XRCC1: variants seen among roughly 807,000 people sequenced by gnomAD.
XRCC1 encodes the protein DNA repair protein XRCC1.
Under a neutral mutation model 83.3 loss-of-function variants are expected in XRCC1, and 52 were observed. The ratio of observed to expected loss-of-function variants is 0.62; its 90% CI spans 0.50 to 0.79. The LOEUF (loss-of-function observed/expected upper bound fraction) is 0.79, where lower values mean the gene tolerates loss of function less well. Ranked by LOEUF, XRCC1 falls within the 30% of genes least tolerant of loss-of-function variation. The probability of loss-of-function intolerance (pLI) is 0.00; values close to 1 mark genes in which losing one functional copy is unlikely to be tolerated. For synonymous variants in XRCC1, 281 were observed against 312.6 expected (o/e 0.90, Z 1.07); for missense variants, 793 against 823.5 (o/e 0.96, Z 0.45).
intron 3 of XRCC1, among the ~76,000 whole-genome samples, chr19:43,558,746 A>G (rs1232616349): frequency 6.6e-6 from 1 of 152,136 alleles, no homozygotes; most frequent in Non-Finnish European, 1.5e-5. Flanking sequence ...TGGAACAGAG[A>G]AGAGAGTACA....
At chr19:43,547,202 T>C (rs1268389367) in intron 10 of XRCC1, among the ~76,000 whole-genome samples, 1 of 151,888 alleles carries the variant, frequency 6.6e-6, no homozygotes, top group Non-Finnish European at 1.5e-5. Context: ...CCTCTTTTTT[T>C]TTTTGAGACA....
chr19:43,556,325 C>A (rs1324483423), intron 3 of XRCC1, among the ~76,000 whole-genome samples: 1 of 152,160 alleles, frequency 6.6e-6, no homozygotes, highest in East Asian at 1.9e-4. Flanking sequence ...AAAGGCAACG[C>A]CCACACTAGT....
intron 1 of XRCC1, 109 bp downstream of exon 1, chr19:43,575,298 AT>A: frequency 8.1e-7 from 1 of 1,228,176 alleles, no homozygotes; most frequent in Non-Finnish European, 1.1e-6. Flanking sequence ...CCTCCTGGAA[AT>A]CCCCCCATGA....
rs1251447453 is a variant in XRCC1 at position 43,554,196 on chromosome 19, GT to G, written c.414+449del. ...CATCATCACATACTCCAGTCTCACT[GT>G]TACCACAGCTTTTAGCATCCCTTAA... On this transcript the variant is annotated intron_variant, in intron 4 of 16. Transcript: ENST00000262887. Among the ~76,000 whole-genome samples the G allele has an allele frequency of 2.0e-5, 3 of 152,294 alleles. No individual in the cohort carries two copies. In the East Asian group the frequency reaches 5.8e-4, roughly 29 times the overall value.
At chr19:43,553,743 G>A (rs931905911) in intron 4 of XRCC1, 60 bp from the exon 5 acceptor site, 1 of 1,400,312 alleles carries the variant, frequency 7.1e-7, no homozygotes, top group Non-Finnish European at 9.7e-7. Context: ...CAGGGCCCAA[G>A]ACCCTTTTCA....
chr19:43,553,328 C>A, intron 6 of XRCC1, 73 bp downstream of exon 6: 5 of 1,520,518 alleles, frequency 3.3e-6, no homozygotes, highest in Non-Finnish European at 4.5e-6. Context: ...TGAGCCCCAG[C>A]CCCCTCTACC....
intron 8 of XRCC1, among the ~76,000 whole-genome samples, 196 bp downstream of exon 8, chr19:43,552,601 A>ACCCAGGGGTTTAGGCCCTCAGC (rs1972592117): frequency 6.9e-6 from 1 of 144,058 alleles, no homozygotes; most frequent in South Asian, 2.2e-4. Context: ...CCTCCCTCAG[A>ACCCAGGGGTTTAGGCCCTCAGC]CCCAGGGGTT....
chr19:43,552,116 C>G lies in XRCC1; in HGVS notation c.983G>C (p.Ser328Thr). The G allele has an allele frequency of 6.2e-7, 1 of 1,614,094 alleles. No individual in the cohort carries two copies. The highest frequency in any genetic ancestry group is 8.5e-7 in the Non-Finnish European group (1 of 1,179,986). The change falls in exon 9 of 17, where the codon AGT (serine) becomes ACT (threonine). Residue 328 changes from serine to threonine, a missense_variant. Coordinates refer to ENST00000262887, the MANE Select transcript of XRCC1 (RefSeq NM_006297.3). The part of the protein sequence containing the change: ...KILQGVVVVL[S>T]GFQNPFRSEL... ...GGAGCGGAAGGGGTTCTGGAAGCCA[C>G]TCAGCACCACTACCACACCCTGAAG...
Position 43,559,212 on chromosome 19 carries a change from G to A in XRCC1, c.255+1698C>T, listed in dbSNP as rs537762513. 3.0e-4 allele frequency among the ~76,000 whole-genome samples: 46 copies of A among 151,058 alleles called. No homozygotes were observed. In the South Asian group the frequency reaches 5.5e-3, roughly 18 times the overall value. Reference sequence around the variant, plus strand: ...AAAGATACAGAAAAGGGCCGGGTGCGGTGGCTCACACCTGTAATCCCAGCA... The same window carrying A: ...AAAGATACAGAAAAGGGCCGGGTGCAGTGGCTCACACCTGTAATCCCAGCA... On this transcript the variant is annotated intron_variant, in intron 3 of 16. Transcript: ENST00000262887.
At chr19:43,563,066 A>C (rs1972716792) in intron 2 of XRCC1, among the ~76,000 whole-genome samples, 1 of 152,228 alleles carries the variant, frequency 6.6e-6, no homozygotes, top group Non-Finnish European at 1.5e-5. Context: ...TAGAGGAGGA[A>C]GATGGTGCTG....
At chr19:43,552,410 C>A (rs3213365) in intron 8 of XRCC1, 135 bp from the exon 9 acceptor site, 264 of 698,262 alleles carry the variant, frequency 3.8e-4, no homozygotes, top group Middle Eastern at 2.4e-3. Flanking sequence ...GCCCCTCCCC[C>A]CTCAGACCCA....
intron 9 of XRCC1, 110 bp downstream of exon 9, chr19:43,551,907 A>T (rs1600047543): frequency 7.9e-7 from 1 of 1,265,102 alleles, no homozygotes; most frequent in Non-Finnish European, 1.1e-6. Flanking sequence ...AGCAAGTGAG[A>T]GAGAGAGAAA....
rs187189833 is a variant in XRCC1 at position 43,569,048 on chromosome 19, T to C, written c.144+5862A>G. ...AGTCCTAGCTACTCAGGAGGCCAAG[T>C]TGGGGGATCACCTGAGATCAACAGT... On this transcript the variant is annotated intron_variant, in intron 2 of 16. Transcript: ENST00000262887. 1.9e-3 allele frequency among the ~76,000 whole-genome samples: 287 copies of C among 151,030 alleles called. 7 individuals are homozygous for C. The highest frequency in any genetic ancestry group is 0.017 in the Admixed American group (253 of 15,126).
At chr19:43,549,580 A>T (rs1392384481) in intron 10 of XRCC1, among the ~76,000 whole-genome samples, 1 of 152,002 alleles carries the variant, frequency 6.6e-6, no homozygotes, top group African/African-American at 2.4e-5. Context: ...TTTTTGAGAT[A>T]AGGTCTTGAT....
rs371400999 is a variant in XRCC1, at chr19:43,572,126, T to C, written c.144+2784A>G. 3.9e-5 allele frequency among the ~76,000 whole-genome samples: 6 copies of C among 152,216 alleles called. No individual in the cohort carries two copies. In the East Asian group the frequency reaches 5.8e-4, roughly 15 times the overall value. ...TGACCGCTGCAATACTCCCTCAGTC[T>C]CTCCCAGGCCAGAGACAGGTTCTGT... On this transcript the variant is annotated intron_variant, in intron 2 of 16. Transcript: ENST00000262887.
At chr19:43,559,479 C>CAAAAAAAAAAAAAA (rs58121949) in intron 3 of XRCC1, among the ~76,000 whole-genome samples, 1 of 56,526 alleles carries the variant, frequency 1.8e-5, no homozygotes, top group Non-Finnish European at 3.0e-5. Context: ...GACTCCATCT[C>CAAAAAAAAAAAAAA]AAAAAAAAAA....
Position 43,547,005 on chromosome 19 carries a change from A to T in XRCC1, c.1200-28T>A, listed in dbSNP as rs373674091. Reference sequence around the variant, plus strand: ...AGGGGACAAATCGGGCCTCAGACAAACAGGCCCAAGGGAAGTGGGGAGGGC... The same window carrying T: ...AGGGGACAAATCGGGCCTCAGACAATCAGGCCCAAGGGAAGTGGGGAGGGC... On this transcript the variant is annotated intron_variant, in intron 10 of 16. Coordinates refer to ENST00000262887, the MANE Select transcript of XRCC1 (RefSeq NM_006297.3). The T allele has an allele frequency of 4.4e-6, 7 of 1,608,632 alleles. No homozygotes were observed. The African/African-American group carries it at 9.4e-5, about 22-fold the overall frequency.
chr19:43,569,475 CAAAAAAA>C (rs34545606), intron 2 of XRCC1, among the ~76,000 whole-genome samples: 2 of 129,790 alleles, frequency 1.5e-5, no homozygotes, highest in Non-Finnish European at 3.2e-5. Context: ...GACCCTGTCT[CAAAAAAA>C]AAAAAAAAAG....
chr19:43,559,279 C>T (rs538615794), intron 3 of XRCC1, among the ~76,000 whole-genome samples: 214 of 151,666 alleles, frequency 1.4e-3, no homozygotes, highest in Middle Eastern at 3.4e-3. Context: ...GTCAGGAGAT[C>T]GAGACCATCC....
Sources: gnomAD v4.1 joint callset for allele counts (sites outside exome capture counted in the v4.1 genomes callset) on GRCh38, gnomAD v4.1.1 for gene constraint, MANE v1.5 for transcripts, NCBI Gene and HGNC (gene_info 2026-07-23, HGNC 2026-07-21) for gene names.